The following PLEKHA5 variants were observed in gnomAD, a reference collection of about 807,000 sequenced individuals.
PLEKHA5 encodes pleckstrin homology domain containing A5, also known as pleckstrin homology domain-containing family A member 5.
Under a neutral mutation model 181.9 loss-of-function variants are expected in PLEKHA5, and 55 were observed. That is an observed-to-expected ratio of 0.30 (90% CI 0.24 to 0.38). The LOEUF (loss-of-function observed/expected upper bound fraction) is 0.38. Among genes scored for constraint, PLEKHA5 ranks in the 10% least tolerant of loss-of-function variants. The pLI is 1.00. For missense variants in PLEKHA5, 1,432 were observed against 1,549.5 expected (o/e 0.92, Z 1.27); for synonymous variants, 535 against 529.4 (o/e 1.01, Z -0.15).
intron 10 of PLEKHA5, among the ~76,000 whole-genome samples, chr12:19,272,171 A>T (rs1019050948): frequency 2.6e-5 from 4 of 152,188 alleles, no homozygotes; most frequent in Non-Finnish European, 4.4e-5. Flanking sequence ...CAAAGAAAAA[A>T]AAATCTAAGT....
intron 3 of PLEKHA5, chr12:19,200,296 A>G (rs958357759): frequency 9.3e-6 from 14 of 1,504,540 alleles, no homozygotes; most frequent in Non-Finnish European, 9.8e-6. Flanking sequence ...AAACATTAAA[A>G]CAATTTTTTT....
rs759865521 is a variant in PLEKHA5, at chr12:19,358,302, A to G, written c.3213A>G (p.Gln1071=). ...GACCAAGGATGACTGTGGAAGAGCA[A>G]ATGGAAAGAATAAGAAGACATCAAC... ...STRPRMTVEE[Q]MERIRRHQQA... The change falls in exon 27 of 32, where the codon CAA becomes CAG. Residue 1071 remains glutamine, a synonymous_variant. Coordinates refer to ENST00000429027, the MANE Select transcript of PLEKHA5 (RefSeq NM_001256470.2). 1 of 1,613,964 alleles carries G rather than the reference A, an allele frequency of 6.2e-7. No individual in the cohort carries two copies. Among genetic ancestry groups the G allele is most frequent in the South Asian group, 1.1e-5 (1 of 91,082 alleles).
intron 10 of PLEKHA5, among the ~76,000 whole-genome samples, chr12:19,273,245 A>C (rs931806960): frequency 1.9e-4 from 29 of 152,124 alleles, no homozygotes; most frequent in African/African-American, 6.5e-4. Flanking sequence ...CACATAGTCT[A>C]TCTTAGTAAA....
chr12:19,286,424 A>C (rs962078923), intron 12 of PLEKHA5, among the ~76,000 whole-genome samples: 1 of 152,228 alleles, frequency 6.6e-6, no homozygotes, highest in Non-Finnish European at 1.5e-5. Context: ...AATTATCAAG[A>C]AAAACTATTA....
intron 19 of PLEKHA5, 32 bp downstream of exon 19, chr12:19,322,422 A>T (rs1201879622): frequency 1.9e-6 from 3 of 1,570,606 alleles, no homozygotes; most frequent in South Asian, 2.2e-5. Context: ...TCTACAATTG[A>T]TGTTACTTAA....
intron 27 of PLEKHA5, among the ~76,000 whole-genome samples, chr12:19,359,065 A>G (rs2095092963): frequency 6.6e-6 from 1 of 152,316 alleles, no homozygotes. Flanking sequence ...TTTGTCTATA[A>G]TGGCATAAAC....
At chr12:19,203,335 A>G (rs886825561) in intron 3 of PLEKHA5, among the ~76,000 whole-genome samples, 2 of 152,082 alleles carry the variant, frequency 1.3e-5, no homozygotes, top group Non-Finnish European at 2.9e-5. Flanking sequence ...GGTATAGAAC[A>G]CTTCTTGCCA....
chr12:19,198,974 T>C (rs2053590705), intron 3 of PLEKHA5, among the ~76,000 whole-genome samples: 1 of 152,190 alleles, frequency 6.6e-6, no homozygotes, highest in Non-Finnish European at 1.5e-5. Flanking sequence ...GATTTTCTTA[T>C]AGTCTAAACA....
intron 3 of PLEKHA5, chr12:19,151,754 A>C (rs2040435926): frequency 1.3e-5 from 2 of 152,232 alleles, no homozygotes; most frequent in Non-Finnish European, 2.9e-5. Context: ...TAATTTAAGT[A>C]ATACTGTTGT....
chr12:19,281,689 T>C (rs1438014924), intron 11 of PLEKHA5, among the ~76,000 whole-genome samples: 1 of 152,236 alleles, frequency 6.6e-6, no homozygotes, highest in Non-Finnish European at 1.5e-5. Flanking sequence ...ATCTTTTTTA[T>C]ATCATGAATT....
rs1051977611 is a variant in PLEKHA5, at chr12:19,220,042, A to G, written c.228-33898A>G. Among the ~76,000 whole-genome samples the G allele has an allele frequency of 2.0e-5, 3 of 152,270 alleles. 1 individual carries two copies. Among genetic ancestry groups the G allele is most frequent in the Admixed American group, 2.0e-4 (3 of 15,290 alleles). ...TACAAAACCTAAATGATGAGTATAG[A>G]TGTTAACCATACAATTAATTCAACT... On this transcript the variant is annotated intron_variant, in intron 3 of 31. Coordinates refer to ENST00000429027, the MANE Select transcript of PLEKHA5 (RefSeq NM_001256470.2).
intron 3 of PLEKHA5, among the ~76,000 whole-genome samples, chr12:19,148,025 G>T (rs1015571884): frequency 6.7e-6 from 1 of 149,574 alleles, no homozygotes; most frequent in Non-Finnish European, 1.5e-5. Context: ...GCATTGAGCA[G>T]CTGCACCTAG....
intron 20 of PLEKHA5, among the ~76,000 whole-genome samples, chr12:19,327,650 T>TC (rs1027815803): frequency 5.3e-5 from 8 of 150,136 alleles, no homozygotes; most frequent in African/African-American, 1.5e-4. Flanking sequence ...TTTTCTTTTT[T>TC]TTTTTTTTTT....
intron 3 of PLEKHA5, among the ~76,000 whole-genome samples, chr12:19,249,651 A>G (rs947995228): frequency 2.0e-5 from 3 of 152,200 alleles, no homozygotes; most frequent in African/African-American, 7.2e-5. Flanking sequence ...TTGTGTGTAT[A>G]TACATGTATA....
At chr12:19,298,071 A>G (rs2080380473) in intron 15 of PLEKHA5, among the ~76,000 whole-genome samples, 1 of 151,952 alleles carries the variant, frequency 6.6e-6, no homozygotes, top group Admixed American at 6.6e-5. Context: ...CGGGCATAGT[A>G]GTGCGTACCA....
Position 19,257,728 on chromosome 12 carries a change from A to G in PLEKHA5, c.537+191A>G, listed in dbSNP as rs141763088. ...AGTGAAGACAGAAAAAGGAGTGGAC[A>G]TTACTTACAACTGAGATTGTGTGTT... On this transcript the variant is annotated intron_variant, in intron 6 of 31. Transcript: ENST00000429027. Among the ~76,000 whole-genome samples, 214 of 152,286 alleles carry G rather than the reference A, an allele frequency of 1.4e-3. 5 individuals are homozygous for G. The East Asian group carries it at 0.037, about 26-fold the overall frequency.
intron 3 of PLEKHA5, chr12:19,152,451 C>G (rs1230873407): frequency 6.6e-6 from 1 of 152,176 alleles, no homozygotes; most frequent in Non-Finnish European, 1.5e-5. Flanking sequence ...ACTTTCTTGT[C>G]TTTAGTCTTT....
intron 6 of PLEKHA5, among the ~76,000 whole-genome samples, chr12:19,260,320 G>T (rs2068083518): frequency 6.6e-6 from 1 of 152,174 alleles, no homozygotes; most frequent in African/African-American, 2.4e-5. Context: ...ATGCACTGCT[G>T]CATGGTTACA....
chr12:19,246,580 C>T lies in PLEKHA5; in HGVS notation c.228-7360C>T, dbSNP rs1392118557. On this transcript the variant is annotated intron_variant, in intron 3 of 31. Transcript: ENST00000429027. ...GATGTTGCATTTAGCCGAGATTGCG[C>T]CACTGCACTCCAGCCTGGGCAACAG... 2.0e-5 allele frequency among the ~76,000 whole-genome samples: 3 copies of T among 150,122 alleles called. No individual in the cohort carries two copies. In the Admixed American group the frequency reaches 2.0e-4, roughly 10 times the overall value.
Sources: allele counts gnomAD v4.1 joint callset (sites outside exome capture counted in the v4.1 genomes callset), GRCh38; gene constraint gnomAD v4.1.1; transcripts MANE v1.5; gene names NCBI Gene and HGNC (gene_info 2026-07-23, HGNC 2026-07-21).